BMPER: variants seen among roughly 807,000 people sequenced by gnomAD.
The protein encoded by BMPER is BMP binding endothelial regulator.
Under a neutral mutation model 87.3 loss-of-function variants are expected in BMPER, and 45 were observed. That is an observed-to-expected ratio of 0.52 (90% CI 0.41 to 0.66). The LOEUF (loss-of-function observed/expected upper bound fraction) is 0.66. Among genes scored for constraint, BMPER ranks in the 30% least tolerant of loss-of-function variants. The pLI, the probability that BMPER is intolerant of heterozygous loss-of-function variation, is 0.00. For missense variants in BMPER, 784 were observed against 867.5 expected (o/e 0.90, Z 1.21); for synonymous variants, 326 against 316.2 (o/e 1.03, Z -0.33).
intron 6 of BMPER, among the ~76,000 whole-genome samples, chr7:34,003,735 C>G (rs1786650954): frequency 6.6e-6 from 1 of 152,040 alleles, no homozygotes; most frequent in African/African-American, 2.4e-5. Context: ...TATTCTTTCA[C>G]CAGTTTGAAT....
At chr7:33,964,394 A>T (rs1473310613) in intron 3 of BMPER, among the ~76,000 whole-genome samples, 1 of 152,224 alleles carries the variant, frequency 6.6e-6, no homozygotes, top group Non-Finnish European at 1.5e-5. Flanking sequence ...AAGGTTTGTT[A>T]TATGGACTCA....
intron 11 of BMPER, among the ~76,000 whole-genome samples, chr7:34,064,494 G>A (rs1788525415): frequency 6.6e-6 from 1 of 152,066 alleles, no homozygotes; most frequent in Non-Finnish European, 1.5e-5. Flanking sequence ...CAAATGGAAG[G>A]AAAGGTATTA....
At chr7:33,986,043 C>T (rs1439425197) in intron 6 of BMPER, among the ~76,000 whole-genome samples, 1 of 152,168 alleles carries the variant, frequency 6.6e-6, no homozygotes, top group Non-Finnish European at 1.5e-5. Context: ...TTGTCCAAGA[C>T]TTTTCATTAT....
intron 2 of BMPER, among the ~76,000 whole-genome samples, chr7:33,935,325 C>T (rs953310061): frequency 6.6e-6 from 1 of 152,092 alleles, no homozygotes; most frequent in Non-Finnish European, 1.5e-5. Flanking sequence ...GAAATACTCT[C>T]CCCTGATGGC....
At chr7:33,926,529 C>T (rs1218708484) in intron 2 of BMPER, among the ~76,000 whole-genome samples, 1 of 152,194 alleles carries the variant, frequency 6.6e-6, no homozygotes, top group East Asian at 1.9e-4. Flanking sequence ...ACCTTAATCT[C>T]AGAAATGGAT....
intron 13 of BMPER, among the ~76,000 whole-genome samples, chr7:34,134,971 A>C (rs2127992529): frequency 6.6e-6 from 1 of 152,322 alleles, no homozygotes; most frequent in African/African-American, 2.4e-5. Flanking sequence ...AACAATCCAT[A>C]GCTTCAGAAG....
intron 2 of BMPER, among the ~76,000 whole-genome samples, chr7:33,924,842 A>G (rs2128605611): frequency 6.6e-6 from 1 of 152,142 alleles, no homozygotes; most frequent in East Asian, 1.9e-4. Context: ...TTGTATTTTC[A>G]GTAGAGACGG....
At chr7:34,034,507 G>A (rs965403546) in intron 6 of BMPER, among the ~76,000 whole-genome samples, 8 of 152,078 alleles carry the variant, frequency 5.3e-5, no homozygotes, top group African/African-American at 1.9e-4. Flanking sequence ...TCTCAGCCTG[G>A]CACAGCCACT....
chr7:34,046,100 C>T (rs985191079), intron 6 of BMPER, among the ~76,000 whole-genome samples: 1 of 152,024 alleles, frequency 6.6e-6, no homozygotes, highest in African/African-American at 2.4e-5. Context: ...GGAATCACCT[C>T]CTCAAAGGCA....
At chr7:33,950,227 G>A (rs1784987509) in intron 3 of BMPER, among the ~76,000 whole-genome samples, 1 of 152,166 alleles carries the variant, frequency 6.6e-6, no homozygotes, top group Admixed American at 6.5e-5. Context: ...CCATGGTGGA[G>A]GAGGGTGGTA....
chr7:33,950,209 G>A (rs1784987196), intron 3 of BMPER, among the ~76,000 whole-genome samples: 1 of 152,140 alleles, frequency 6.6e-6, no homozygotes, highest in Non-Finnish European at 1.5e-5. Flanking sequence ...AGTTGCGAAT[G>A]TTCCTGGCCA....
At chr7:34,108,933 A>G (rs1789892576) in intron 13 of BMPER, among the ~76,000 whole-genome samples, 1 of 152,190 alleles carries the variant, frequency 6.6e-6, no homozygotes, top group African/African-American at 2.4e-5. Flanking sequence ...GTGGGTGGTC[A>G]TGGAAGGGGT....
chr7:34,138,699 C>A (rs537214450), intron 13 of BMPER, among the ~76,000 whole-genome samples: 11 of 152,184 alleles, frequency 7.2e-5, no homozygotes, highest in Non-Finnish European at 1.0e-4. Context: ...TTTGCCAATT[C>A]CGTTACAATA....
At chr7:34,079,808 G>T (rs1342408111) in intron 12 of BMPER, among the ~76,000 whole-genome samples, 3 of 152,126 alleles carry the variant, frequency 2.0e-5, no homozygotes, top group African/African-American at 7.2e-5. Flanking sequence ...TCTCAGCAGC[G>T]CATGGTGCTG....
intron 11 of BMPER, among the ~76,000 whole-genome samples, chr7:34,064,580 C>G (rs548799923): frequency 6.6e-6 from 1 of 152,320 alleles, no homozygotes; most frequent in South Asian, 2.1e-4. Flanking sequence ...CTCATGCCTT[C>G]TATCACTGAG....
At chr7:34,035,215 T>C (rs1024190899) in intron 6 of BMPER, among the ~76,000 whole-genome samples, 1 of 152,226 alleles carries the variant, frequency 6.6e-6, no homozygotes, top group Non-Finnish European at 1.5e-5. Context: ...GAGTGTTTAC[T>C]ATAGAACTTC....
intron 11 of BMPER, among the ~76,000 whole-genome samples, chr7:34,071,230 T>C (rs1788729658): frequency 6.6e-6 from 1 of 152,232 alleles, no homozygotes; most frequent in South Asian, 2.1e-4. Context: ...TAGCCAGCAC[T>C]AGATAACTAT....
At chr7:33,937,895 T>G (rs540544904) in intron 3 of BMPER, among the ~76,000 whole-genome samples, 6 of 152,262 alleles carry the variant, frequency 3.9e-5, no homozygotes, top group African/African-American at 1.4e-4. Context: ...CTCTAACATC[T>G]CCTTACTCCA....
chr7:33,994,789 T>C (rs1448335517), intron 6 of BMPER, among the ~76,000 whole-genome samples: 2 of 152,180 alleles, frequency 1.3e-5, no homozygotes, highest in African/African-American at 2.4e-5. Flanking sequence ...GTCCTACCTC[T>C]ACCATTGGCT....
Sources: gnomAD v4.1 joint callset for allele counts (sites outside exome capture counted in the v4.1 genomes callset) on GRCh38, gnomAD v4.1.1 for gene constraint, MANE v1.5 for transcripts, NCBI Gene and HGNC (gene_info 2026-07-23, HGNC 2026-07-21) for gene names.